Variants in CORIN observed in about 807,000 individuals in gnomAD.
CORIN encodes corin, serine peptidase.
Under a neutral mutation model 125.3 loss-of-function variants are expected in CORIN, and 117 were observed. That is an observed-to-expected ratio of 0.93 (90% CI 0.80 to 1.09). The LOEUF is 1.09. CORIN is among the 50% of genes least tolerant of loss of function. The pLI is 0.00. For synonymous variants in CORIN, 450 were observed against 466.4 expected (o/e 0.96, Z 0.45); for missense variants, 1,253 against 1,306.7 (o/e 0.96, Z 0.63).
At chr4:47,686,055 C>G (rs1275037483) in intron 6 of CORIN, among the ~76,000 whole-genome samples, 1 of 148,182 alleles carries the variant, frequency 6.7e-6, no homozygotes, top group Non-Finnish European at 1.5e-5. Flanking sequence ...ACATCCCATA[C>G]TAGATGACGA....
chr4:47,822,725 T>TG (rs1362969108), intron 1 of CORIN, among the ~76,000 whole-genome samples: 1 of 152,312 alleles, frequency 6.6e-6, no homozygotes, highest in East Asian at 1.9e-4. Context: ...CACATGATAC[T>TG]GTTGGGATGG....
intron 19 of CORIN, among the ~76,000 whole-genome samples, chr4:47,610,770 A>G (rs986412100): frequency 6.6e-6 from 1 of 152,158 alleles, no homozygotes; most frequent in Non-Finnish European, 1.5e-5. Flanking sequence ...ATTTTTGTAT[A>G]AGGTGTAAGG....
intron 4 of CORIN, among the ~76,000 whole-genome samples, chr4:47,750,095 T>C (rs748058165): frequency 6.6e-6 from 1 of 152,172 alleles, no homozygotes; most frequent in Non-Finnish European, 1.5e-5. Flanking sequence ...ACAACACTAC[T>C]GGAAAACCCA....
intron 1 of CORIN, among the ~76,000 whole-genome samples, chr4:47,812,269 A>G (rs1732095888): frequency 6.6e-6 from 1 of 152,148 alleles, no homozygotes; most frequent in Non-Finnish European, 1.5e-5. Flanking sequence ...AGGCTGAGGC[A>G]GGAGGATTAT....
chr4:47,627,575 A>T (rs1722631781), intron 16 of CORIN, among the ~76,000 whole-genome samples: 1 of 152,180 alleles, frequency 6.6e-6, no homozygotes, highest in East Asian at 1.9e-4. Flanking sequence ...TATCAAAAAA[A>T]CCTCTTACAA....
At chr4:47,653,524 T>G in intron 13 of CORIN, 29 bp downstream of exon 13, 2 of 1,551,258 alleles carry the variant, frequency 1.3e-6, no homozygotes, top group South Asian at 2.2e-5. Context: ...CACTGTACAT[T>G]CAAGAAAAGT....
intron 19 of CORIN, among the ~76,000 whole-genome samples, chr4:47,612,301 C>T (rs1721902432): frequency 6.6e-6 from 1 of 152,166 alleles, no homozygotes; most frequent in African/African-American, 2.4e-5. Flanking sequence ...CCATTCGCCT[C>T]TCAGCTCCAG....
chr4:47,743,661 T>G (rs1197569286), intron 5 of CORIN, among the ~76,000 whole-genome samples: 1 of 152,142 alleles, frequency 6.6e-6, no homozygotes, highest in Non-Finnish European at 1.5e-5. Flanking sequence ...CCAAGGTGGG[T>G]GGATCACGAC....
At chr4:47,718,206 A>G (rs1334009912) in intron 5 of CORIN, among the ~76,000 whole-genome samples, 4 of 152,198 alleles carry the variant, frequency 2.6e-5, no homozygotes, top group Non-Finnish European at 5.9e-5. Context: ...GGATTAGCCT[A>G]CTTATTCTGT....
intron 3 of CORIN, among the ~76,000 whole-genome samples, chr4:47,773,119 A>T (rs1334186962): frequency 2.6e-5 from 4 of 152,142 alleles, no homozygotes; most frequent in African/African-American, 4.8e-5. Flanking sequence ...GAATGTTTTT[A>T]AAAAAAGAAT....
intron 5 of CORIN, among the ~76,000 whole-genome samples, chr4:47,732,828 G>A (rs1042955924): frequency 3.9e-5 from 6 of 152,206 alleles, no homozygotes; most frequent in African/African-American, 1.2e-4. Flanking sequence ...CTCCCAAAGT[G>A]CTGGGATTAC....
At chr4:47,736,712 G>C (rs1396790664) in intron 5 of CORIN, among the ~76,000 whole-genome samples, 1 of 152,138 alleles carries the variant, frequency 6.6e-6, no homozygotes, top group Non-Finnish European at 1.5e-5. Context: ...TTAGCTAAGT[G>C]AGAACATGCC....
Position 47,806,976 on chromosome 4 carries a change from C to CCGGA in CORIN, c.131_134dup (p.Phe46ProfsTer34). 6.2e-7 allele frequency: 1 copy of CCGGA among 1,613,888 alleles called. No homozygotes were observed. The highest frequency in any genetic ancestry group is 8.5e-7 in the Non-Finnish European group (1 of 1,179,880). On this transcript the variant is annotated frameshift_variant, in exon 2 of 22. Coordinates refer to ENST00000273857, the MANE Select transcript of CORIN (RefSeq NM_006587.4). LOFTEE classifies it high-confidence loss of function. The stretch of plus-strand genomic sequence containing the variant: ...ATGGAATCAGGACCAGCAATAGGAA[C>CCGGA]CGGAGGAGGTTAGCAGTCGCCAGCT...
chr4:47,818,531 A>C (rs1190589820), intron 1 of CORIN, among the ~76,000 whole-genome samples: 2 of 152,218 alleles, frequency 1.3e-5, no homozygotes. Context: ...TAAAAGCTGC[A>C]GATAGACATT....
At chr4:47,816,019 A>T (rs2109966145) in intron 1 of CORIN, among the ~76,000 whole-genome samples, 1 of 152,330 alleles carries the variant, frequency 6.6e-6, no homozygotes, top group East Asian at 1.9e-4. Context: ...ATTGAAACAG[A>T]TTGTCAAAGT....
intron 3 of CORIN, among the ~76,000 whole-genome samples, chr4:47,773,008 T>C (rs1730130549): frequency 6.6e-6 from 1 of 152,148 alleles, no homozygotes; most frequent in Admixed American, 6.5e-5. Flanking sequence ...AAAACAATGC[T>C]GGGAGTTATA....
At chr4:47,685,018 A>G (rs192533338) in intron 6 of CORIN, among the ~76,000 whole-genome samples, 1 of 152,302 alleles carries the variant, frequency 6.6e-6, no homozygotes, top group East Asian at 1.9e-4. Context: ...AAGATGGATA[A>G]TAGCAAGTAT....
At chr4:47,694,105 T>C (rs780064940) in intron 5 of CORIN, among the ~76,000 whole-genome samples, 2 of 152,202 alleles carry the variant, frequency 1.3e-5, no homozygotes, top group African/African-American at 2.4e-5. Flanking sequence ...TAAATTTTGA[T>C]ACCACCATAA....
At chr4:47,617,670 A>G (rs1342853186) in intron 19 of CORIN, among the ~76,000 whole-genome samples, 1 of 152,232 alleles carries the variant, frequency 6.6e-6, no homozygotes, top group African/African-American at 2.4e-5. Flanking sequence ...GGACATTACT[A>G]TTGATGGGAA....
Sources: gnomAD v4.1 joint callset for allele counts (sites outside exome capture counted in the v4.1 genomes callset) on GRCh38, gnomAD v4.1.1 for gene constraint, MANE v1.5 for transcripts, NCBI Gene and HGNC (gene_info 2026-07-23, HGNC 2026-07-21) for gene names.